The following FAT3 variants were observed in gnomAD, a reference collection of about 807,000 sequenced individuals.
FAT3 encodes FAT atypical cadherin 3, also known as protocadherin Fat 3.
FAT3 carries 95 observed loss-of-function variants against 310.2 expected under a neutral mutation model. The observed-to-expected ratio is 0.31, with a 90% CI of 0.26 to 0.36. The LOEUF (loss-of-function observed/expected upper bound fraction) is 0.36. Among genes scored for constraint, FAT3 ranks in the 10% least tolerant of loss-of-function variants. The pLI is 1.00. For missense variants in FAT3, 5,408 were observed against 5,715.6 expected, an observed-to-expected ratio of 0.95 and a Z score of 1.74; for synonymous variants, 2,314 against 2,192.9, an observed-to-expected ratio of 1.06 and a Z score of -1.54.
intron 2 of FAT3, among the ~76,000 whole-genome samples, chr11:92,394,081 G>A (rs994202838): frequency 6.6e-6 from 1 of 152,160 alleles, no homozygotes; most frequent in Non-Finnish European, 1.5e-5. Context: ...TGTAGGAGGT[G>A]CTCAGTAATT....
At chr11:92,410,409 T>A (rs1950230852) in intron 2 of FAT3, among the ~76,000 whole-genome samples, 1 of 151,918 alleles carries the variant, frequency 6.6e-6, no homozygotes, top group East Asian at 1.9e-4. Flanking sequence ...AGAGAGTAAT[T>A]ACTCTGGGAC....
At chr11:92,345,334 G>A (rs951095529) in intron 1 of FAT3, among the ~76,000 whole-genome samples, 1 of 152,150 alleles carries the variant, frequency 6.6e-6, no homozygotes. Context: ...ATGGTCCAAT[G>A]TATACTTTAA....
chr11:92,819,392 T>C (rs943058888), intron 13 of FAT3, among the ~76,000 whole-genome samples: 7 of 152,204 alleles, frequency 4.6e-5, no homozygotes, highest in Non-Finnish European at 1.0e-4. Flanking sequence ...GCTGGGTCCC[T>C]CCGCCAGAGT....
intron 2 of FAT3, among the ~76,000 whole-genome samples, chr11:92,412,848 C>T (rs1347996447): frequency 1.3e-5 from 2 of 149,086 alleles, no homozygotes; most frequent in Admixed American, 1.3e-4. Context: ...TCCCATATAC[C>T]CCCCTACACA....
intron 2 of FAT3, among the ~76,000 whole-genome samples, chr11:92,524,329 A>G (rs763538558): frequency 1.3e-5 from 2 of 151,910 alleles, no homozygotes; most frequent in Non-Finnish European, 2.9e-5. Context: ...TCATTCCTCT[A>G]TATCATCTAT....
intron 1 of FAT3, among the ~76,000 whole-genome samples, chr11:92,325,008 AT>A (rs2134509806): frequency 6.6e-6 from 1 of 152,322 alleles, no homozygotes; most frequent in East Asian, 1.9e-4. Flanking sequence ...ATCTGATCAC[AT>A]TTAAAACCCG....
intron 1 of FAT3, among the ~76,000 whole-genome samples, chr11:92,333,978 G>T (rs1411171437): frequency 6.6e-6 from 1 of 152,084 alleles, no homozygotes; most frequent in African/African-American, 2.4e-5. Flanking sequence ...AAAATTGAGG[G>T]TGAAAATTGA....
At chr11:92,849,244 A>G (rs1467595046) in intron 19 of FAT3, among the ~76,000 whole-genome samples, 1 of 152,172 alleles carries the variant, frequency 6.6e-6, no homozygotes, top group Non-Finnish European at 1.5e-5. Flanking sequence ...GCAGCTTACC[A>G]CTTCTGCACA....
intron 7 of FAT3, among the ~76,000 whole-genome samples, chr11:92,777,064 AC>A (rs1318152377): frequency 6.6e-6 from 1 of 152,210 alleles, no homozygotes; most frequent in Non-Finnish European, 1.5e-5. Context: ...TCTTTTGGAA[AC>A]CATGAAAGCA....
intron 4 of FAT3, among the ~76,000 whole-genome samples, chr11:92,729,203 C>T (rs905357303): frequency 3.3e-5 from 5 of 152,124 alleles, no homozygotes; most frequent in South Asian, 2.1e-4. Context: ...AAGGTGCCAG[C>T]GCTGCTTTCT....
chr11:92,751,823 G>A (rs1167998948), intron 4 of FAT3, among the ~76,000 whole-genome samples: 1 of 152,120 alleles, frequency 6.6e-6, no homozygotes, highest in East Asian at 1.9e-4. Context: ...GTGCTGCCAC[G>A]CCAAACAGAC....
intron 4 of FAT3, among the ~76,000 whole-genome samples, chr11:92,713,404 T>C (rs758741504): frequency 1.3e-5 from 2 of 152,188 alleles, no homozygotes; most frequent in Non-Finnish European, 2.9e-5. Flanking sequence ...ACAATGACAG[T>C]TTATAACCCA....
chr11:92,670,165 C>A (rs1448814178), intron 3 of FAT3, among the ~76,000 whole-genome samples: 1 of 152,132 alleles, frequency 6.6e-6, no homozygotes, highest in African/African-American at 2.4e-5. Context: ...GGCTGCTGTT[C>A]CTGGTGACTT....
intron 2 of FAT3, among the ~76,000 whole-genome samples, chr11:92,449,054 G>A (rs979110998): frequency 2.0e-5 from 3 of 152,026 alleles, no homozygotes; most frequent in Admixed American, 6.6e-5. Flanking sequence ...ACACTGGCCC[G>A]GGCTCAATGC....
At chr11:92,656,036 T>C (rs1942570189) in intron 3 of FAT3, among the ~76,000 whole-genome samples, 1 of 152,154 alleles carries the variant, frequency 6.6e-6, no homozygotes, top group Non-Finnish European at 1.5e-5. Flanking sequence ...GGCTGTGAGA[T>C]ACTTGAAATA....
intron 8 of FAT3, among the ~76,000 whole-genome samples, chr11:92,791,666 C>T (rs1353041274): frequency 6.6e-6 from 1 of 152,160 alleles, no homozygotes; most frequent in Non-Finnish European, 1.5e-5. Flanking sequence ...TTCTGAAAAC[C>T]CCTTTCTCTT....
At chr11:92,855,173 A>T (rs189998237) in intron 19 of FAT3, among the ~76,000 whole-genome samples, 2 of 152,244 alleles carry the variant, frequency 1.3e-5, no homozygotes, top group Admixed American at 1.3e-4. Flanking sequence ...ATGAAGTCAC[A>T]TGTGAAAACA....
intron 3 of FAT3, among the ~76,000 whole-genome samples, chr11:92,525,206 A>G (rs934319860): frequency 6.6e-6 from 1 of 152,164 alleles, no homozygotes; most frequent in Non-Finnish European, 1.5e-5. Flanking sequence ...TAATAATAAA[A>G]TGTGGTTCCC....
At chr11:92,458,090 T>C (rs1353361894) in intron 2 of FAT3, among the ~76,000 whole-genome samples, 1 of 152,228 alleles carries the variant, frequency 6.6e-6, no homozygotes, top group Non-Finnish European at 1.5e-5. Context: ...CTTCTAGTTT[T>C]CCCTAACATA....
Sources: allele counts gnomAD v4.1 joint callset (sites outside exome capture counted in the v4.1 genomes callset), GRCh38; gene constraint gnomAD v4.1.1; transcripts MANE v1.5; gene names NCBI Gene and HGNC (gene_info 2026-07-23, HGNC 2026-07-21).